Variants in GCN1 observed in about 807,000 individuals in gnomAD.
GCN1 encodes GCN1 activator of EIF2AK4.
Under a neutral mutation model 288.4 loss-of-function variants are expected in GCN1, and 90 were observed. The observed-to-expected ratio is 0.31, with a 90% confidence interval of 0.26 to 0.37. The LOEUF (loss-of-function observed/expected upper bound fraction) is 0.37, where lower values mean the gene tolerates loss of function less well. Ranked by LOEUF, GCN1 falls within the 10% of genes least tolerant of loss-of-function variation. The pLI is 1.00. For synonymous variants in GCN1, 1,386 were observed against 1,420.2 expected (o/e 0.98, Z 0.54); for missense variants, 2,586 against 3,419.9 (o/e 0.76, Z 6.08).
intron 37 of GCN1, 31 bp downstream of exon 37, chr12:120,148,136 C>G (rs565096442): frequency 6.4e-7 from 1 of 1,568,044 alleles, no homozygotes; most frequent in East Asian, 2.2e-5. Context: ...GGTGGGAGGT[C>G]AGGGCAAGCA....
At position 120,170,163 on chromosome 12, in the gene GCN1, T is replaced by G; in HGVS notation, c.1519+6A>C. 2 of 1,613,660 alleles carry G rather than the reference T, an allele frequency of 1.2e-6. No individual in the cohort carries two copies. Among genetic ancestry groups the G allele is most frequent in the Non-Finnish European group, 1.7e-6 (2 of 1,179,518 alleles). On this transcript the variant is annotated splice_donor_region_variant and intron_variant, in intron 15 of 57. Transcript: ENST00000300648. ...TCTACCATCCTAGACACCTCTGGAC[T>G]CATACCAGCCTGTGAGTCAGCCACT...
intron 45 of GCN1, among the ~76,000 whole-genome samples, chr12:120,140,273 T>C (rs1877146665): frequency 6.6e-6 from 1 of 152,110 alleles, no homozygotes; most frequent in Non-Finnish European, 1.5e-5. Flanking sequence ...CTAAAAGCAC[T>C]CCTAACCTAC....
At chr12:120,130,778 C>T (rs762800418) in intron 55 of GCN1, 25 bp from the exon 56 acceptor site, 41 of 1,479,810 alleles carry the variant, frequency 2.8e-5, no homozygotes, top group South Asian at 1.9e-4. Context: ...CAGCGCTAGA[C>T]GGGAGGCCCC....
At chr12:120,165,185 G>A (rs1298406731) in intron 16 of GCN1, among the ~76,000 whole-genome samples, 1 of 149,394 alleles carries the variant, frequency 6.7e-6, no homozygotes, top group African/African-American at 2.5e-5. Flanking sequence ...TAGCTGGGAC[G>A]ACAGGCACCC....
chr12:120,169,418 A>G (rs574606781), intron 15 of GCN1, among the ~76,000 whole-genome samples: 2 of 148,832 alleles, frequency 1.3e-5, no homozygotes, highest in Non-Finnish European at 3.0e-5. Context: ...TATATATATT[A>G]TATATTATAA....
At chr12:120,186,399 A>G (rs1878822025) in intron 2 of GCN1, among the ~76,000 whole-genome samples, 1 of 152,188 alleles carries the variant, frequency 6.6e-6, no homozygotes, top group Non-Finnish European at 1.5e-5. Flanking sequence ...AGTGCTCAAT[A>G]ATGTTGGAAA....
In GCN1 at chr12:120,184,140, C is replaced by A; in HGVS notation, c.289G>T (p.Gly97Cys). The A allele has an allele frequency of 6.2e-7, 1 of 1,613,854 alleles. No individual in the cohort carries two copies. Reference sequence around the variant, plus strand: ...GGAACACCTGCTTTGGAGCCTATACCAGAAGACTGCAGAGAGTGTAGAAGG... The same window carrying A: ...GGAACACCTGCTTTGGAGCCTATACAAGAAGACTGCAGAGAGTGTAGAAGG... ...KNLLHSLQSSGIGSKAGVPSK... is the reference protein window; with the variant it reads ...KNLLHSLQSSCIGSKAGVPSK... The change falls in exon 4 of 58, where the codon GGT becomes TGT. Residue 97 changes from glycine to cysteine, a missense_variant. Coordinates refer to ENST00000300648, the MANE Select transcript of GCN1 (RefSeq NM_006836.2).
At chr12:120,168,627 A>G (rs1298368118) in intron 15 of GCN1, among the ~76,000 whole-genome samples, 2 of 152,022 alleles carry the variant, frequency 1.3e-5, no homozygotes, top group Non-Finnish European at 2.9e-5. Context: ...GGCTGTTTGG[A>G]CTCACACTGG....
Position 120,155,143 on chromosome 12 carries a change from T to C in GCN1, c.3630+98A>G, listed in dbSNP as rs772547326. ...TAGCCGCAGCTACCCTGAGCCACCG[T>C]GAGCCCCGAGATTCCTGTCTGGAGC... On this transcript the variant is annotated intron_variant, in intron 30 of 57. Transcript: ENST00000300648. This position sits in a 1 kb window ranked among gnomAD's most constrained non-coding sequence, Gnocchi z 4.9. 2.6e-5 allele frequency: 40 copies of C among 1,523,810 alleles called. No individual in the cohort carries two copies. The highest frequency in any genetic ancestry group is 3.6e-5 in the Non-Finnish European group (39 of 1,098,560). The allele number at this position is 1,523,810 out of a possible 1,614,324, so 94.4% of individuals were successfully genotyped here.
Position 120,138,015 on chromosome 12 carries a change from C to T in GCN1, c.6279G>A (p.Val2093=). 1 of 1,613,914 alleles carries T rather than the reference C, an allele frequency of 6.2e-7. No homozygotes were observed. The highest frequency in any genetic ancestry group is 8.5e-7 in the Non-Finnish European group (1 of 1,179,914). ...KLTTPPVNTR[V]LAFLSSVAGD... ...CAGCCACTGACGAAAGGAAAGCCAG[C>T]ACCCGGGTGTTGACAGGTGGCGTTG... Residue 2093 remains valine (V), a synonymous_variant, in exon 48 of 58, where the codon GTG becomes GTA. Coordinates refer to ENST00000300648, the MANE Select transcript of GCN1 (RefSeq NM_006836.2).
At chr12:120,135,002 T>C (rs1249596691) in intron 51 of GCN1, among the ~76,000 whole-genome samples, 1 of 152,184 alleles carries the variant, frequency 6.6e-6, no homozygotes, top group Non-Finnish European at 1.5e-5. Flanking sequence ...CTTGGCTGCG[T>C]TGGGGTTTGG....
At position 120,156,841 on chromosome 12, in the gene GCN1, C is replaced by G. The variant is rs1199226499; in HGVS notation, c.3168+71G>C. ...GGCTGAAAGGAAACTAGGACTCCAC[C>G]CTTTACACTGGGACTTGAGGTCTGG... On this transcript the variant is annotated intron_variant, in intron 27 of 57. Coordinates refer to ENST00000300648, the MANE Select transcript of GCN1 (RefSeq NM_006836.2). This position sits in a 1 kb window ranked among gnomAD's most constrained non-coding sequence, Gnocchi z 5.8. 7 of 1,119,776 alleles carry G rather than the reference C, an allele frequency of 6.3e-6. No individual in the cohort carries two copies. The highest frequency in any genetic ancestry group is 3.0e-5 in the African/African-American group (2 of 65,788). The allele number at this position is 1,119,776 out of a possible 1,614,324, so 69.4% of individuals were successfully genotyped here.
rs371503761 is a variant in GCN1 at position 120,158,100 on chromosome 12, A to C, written c.2906-70T>G. 5.3e-5 allele frequency: 79 copies of C among 1,481,652 alleles called. No individual in the cohort carries two copies. The highest frequency in any genetic ancestry group is 7.3e-5 in the Non-Finnish European group (78 of 1,075,412). 91.8% of individuals were successfully genotyped at this position (1,481,652 alleles called of 1,614,324 possible). On this transcript the variant is annotated intron_variant, in intron 25 of 57. Coordinates refer to ENST00000300648, the MANE Select transcript of GCN1 (RefSeq NM_006836.2). This position sits in a 1 kb window ranked among gnomAD's most constrained non-coding sequence, Gnocchi z 4.3. ...ACCCGGGCCACTGCTGCCTATTTCT[A>C]TCCTCAGGGAAAGTAGGGAACGGAT...
chr12:120,194,633 C>T (rs1208621655), intron 1 of GCN1, 47 bp downstream of exon 1: 1 of 1,503,528 alleles, frequency 6.7e-7, no homozygotes, highest in Non-Finnish European at 8.9e-7. Flanking sequence ...CGGCCACCGT[C>T]CGCACCCAGT....
In GCN1 at chr12:120,164,692, T is replaced by C. The variant is rs755462301; in HGVS notation, c.1642A>G (p.Arg548Gly). The C allele has an allele frequency of 1.2e-4, 188 of 1,613,320 alleles. No individual in the cohort carries two copies. Among genetic ancestry groups the C allele is most frequent in the Admixed American group, 7.0e-4 (42 of 59,978 alleles). ...ALCTVLHLTE[R>G]LFLDHPHRLT... is the part of the protein sequence containing the mutation. Reference sequence around the variant, plus strand: ...CTATGCGGGTGGTCAAGGAAAAGTCTCTCTGTCAGATGCAACACAGTACAC... The same window carrying C: ...CTATGCGGGTGGTCAAGGAAAAGTCCCTCTGTCAGATGCAACACAGTACAC... The change falls in exon 17 of 58, where the codon AGA becomes GGA. Residue 548 changes from arginine (R) to glycine (G), a missense_variant. This residue lies in a region of GCN1 where 913 missense variants were observed against 1,107.0 expected (regional missense o/e 0.82). Transcript: ENST00000300648.
In GCN1 at chr12:120,137,892, G is replaced by A. The variant is rs369086724; in HGVS notation, c.6393+9C>T. 3.3e-5 allele frequency: 53 copies of A among 1,614,012 alleles called. 1 individual carries two copies. In the Admixed American group the frequency reaches 5.0e-4, roughly 15 times the overall value. On this transcript the variant is annotated intron_variant, in intron 48 of 57. Coordinates refer to ENST00000300648, the MANE Select transcript of GCN1 (RefSeq NM_006836.2). This position sits in a 1 kb window ranked among gnomAD's most constrained non-coding sequence, Gnocchi z 5.2. The stretch of plus-strand genomic sequence containing the variant: ...GACATGAGAAAGCAGGAGCAGGCTC[G>A]CCCCTTACCAGCTGCTCATCTGGGG...
In GCN1 at chr12:120,145,018, C is replaced by A. The variant is rs1335236553; in HGVS notation, c.5060G>T (p.Gly1687Val). 2 of 1,613,902 alleles carry A rather than the reference C, an allele frequency of 1.2e-6. No homozygotes were observed. Among genetic ancestry groups the A allele is most frequent in the Non-Finnish European group, 1.7e-6 (2 of 1,179,986 alleles). Residue 1687 changes from glycine (G) to valine (V), a missense_variant, in exon 40 of 58, where the codon GGC becomes GTC. Gly to Val is a moderately radical substitution (Grantham distance 109, BLOSUM62 -3). Coordinates refer to ENST00000300648, the MANE Select transcript of GCN1 (RefSeq NM_006836.2). The part of the protein sequence containing the change: ...SAKALGAMVK[G>V]MGESCFEDLL... ...GTCCTCAAAGCACGACTCCCCCATG[C>A]CCTTCACCATGGCCCCAAGGGCCTT...
chr12:120,162,466 C>A (rs1877962755), intron 20 of GCN1, among the ~76,000 whole-genome samples: 1 of 152,218 alleles, frequency 6.6e-6, no homozygotes, highest in African/African-American at 2.4e-5. Context: ...CCCCTAGGAG[C>A]TGATGGCAAG....
At position 120,149,842 on chromosome 12, in the gene GCN1, G is replaced by A; in HGVS notation, c.4431+80C>T. ...CTGGGGTTCTATTATGTCAGACCCTGTGCCAAGGCCTGCAGACACAGCTGG... is the reference window on the plus strand; with the variant it reads ...CTGGGGTTCTATTATGTCAGACCCTATGCCAAGGCCTGCAGACACAGCTGG... On this transcript the variant is annotated intron_variant, in intron 35 of 57. Coordinates refer to ENST00000300648, the MANE Select transcript of GCN1 (RefSeq NM_006836.2). 1.9e-6 allele frequency: 3 copies of A among 1,580,408 alleles called. No individual in the cohort carries two copies. The South Asian group carries it at 3.3e-5, about 18-fold the overall frequency.
Sources: gnomAD v4.1 joint callset for allele counts (sites outside exome capture counted in the v4.1 genomes callset) on GRCh38, gnomAD v4.1.1 for gene constraint, gnomAD v4.1.1 regional missense constraint, Gnocchi (gnomAD v3.1) non-coding constraint, MANE v1.5 for transcripts, NCBI Gene and HGNC (gene_info 2026-07-23, HGNC 2026-07-21) for gene names.